BICD1: variants seen among roughly 807,000 people sequenced by gnomAD.
BICD1 encodes BICD cargo adaptor 1.
BICD1 carries 35 observed loss-of-function variants against 92.5 expected under a neutral mutation model. The observed-to-expected ratio is 0.38, with a 90% CI of 0.29 to 0.50. The LOEUF (loss-of-function observed/expected upper bound fraction) is 0.50. BICD1 is among the 20% of genes least tolerant of loss of function. BICD1 has a pLI of 0.93. For synonymous variants in BICD1, 429 were observed against 465.1 expected, an observed-to-expected ratio of 0.92 and a Z score of 1.00; for missense variants, 950 against 1,189.8, an observed-to-expected ratio of 0.80 and a Z score of 2.97.
intron 1 of BICD1, among the ~76,000 whole-genome samples, chr12:32,110,776 G>T (rs1293405754): frequency 7.0e-6 from 1 of 143,210 alleles, no homozygotes; most frequent in East Asian, 2.1e-4. Flanking sequence ...TCATAGATGG[G>T]AATTGAACAA....
At chr12:32,164,789 T>C (rs61926906) in intron 1 of BICD1, among the ~76,000 whole-genome samples, 14 of 152,062 alleles carry the variant, frequency 9.2e-5, no homozygotes, top group Non-Finnish European at 1.8e-4. Flanking sequence ...CCACTAACAC[T>C]CTAGGAAGCA....
chr12:32,230,401 A>T (rs952625237), intron 2 of BICD1, among the ~76,000 whole-genome samples: 1 of 58,748 alleles, frequency 1.7e-5, no homozygotes, highest in Non-Finnish European at 3.7e-5. Flanking sequence ...CCCTGTCTCA[A>T]ATAAATAAAT....
intron 2 of BICD1, among the ~76,000 whole-genome samples, chr12:32,265,389 C>G (rs1476655214): frequency 6.6e-6 from 1 of 152,000 alleles, no homozygotes; most frequent in African/African-American, 2.4e-5. Flanking sequence ...CTAAGACTTT[C>G]ACATCAATTC....
At chr12:32,241,778 A>T (rs750638895) in intron 2 of BICD1, among the ~76,000 whole-genome samples, 1 of 152,180 alleles carries the variant, frequency 6.6e-6, no homozygotes. Flanking sequence ...ATCACAGACT[A>T]AAAACAGTCT....
chr12:32,148,070 A>AGGTTGAG (rs1943167734), intron 1 of BICD1, among the ~76,000 whole-genome samples: 1 of 143,576 alleles, frequency 7.0e-6, no homozygotes, highest in African/African-American at 2.6e-5. Flanking sequence ...TGAGTCTGGG[A>AGGTTGAG]GGTTGAGGCT....
chr12:32,378,771 GATAATA>G lies in BICD1; in HGVS notation c.*1146_*1151del, dbSNP rs1202993678. 6.6e-6 allele frequency: 1 copy of G among 152,062 alleles called. No homozygotes were observed. The highest frequency in any genetic ancestry group is 2.4e-5 in the African/African-American group (1 of 41,390). 9.4% of individuals were successfully genotyped at this position (152,062 alleles called of 1,614,324 possible). A position where few individuals can be genotyped will look rare whatever the true frequency, so the allele number is the denominator to read the frequency against. The stretch of plus-strand genomic sequence containing the variant: ...AATCTTCCTTGCCAAAAAAACAATA[GATAATA>G]AACCTTAGCTCATTGTCTACTTTTG... On this transcript the variant is annotated 3_prime_UTR_variant, in exon 10 of 10. Coordinates refer to ENST00000652176, the MANE Select transcript of BICD1 (RefSeq NM_001714.4).
At chr12:32,168,904 T>G (rs746841360) in intron 1 of BICD1, among the ~76,000 whole-genome samples, 12 of 151,938 alleles carry the variant, frequency 7.9e-5, no homozygotes, top group Non-Finnish European at 1.6e-4. Flanking sequence ...GGAGGTTGCA[T>G]TGAGCCGAGA....
At chr12:32,167,492 G>C (rs1261028060) in intron 1 of BICD1, among the ~76,000 whole-genome samples, 1 of 151,948 alleles carries the variant, frequency 6.6e-6, no homozygotes, top group Non-Finnish European at 1.5e-5. Flanking sequence ...GTCTTGCACT[G>C]TCGCCCAGGC....
At chr12:32,271,446 A>G (rs1327203041) in intron 2 of BICD1, among the ~76,000 whole-genome samples, 2 of 152,198 alleles carry the variant, frequency 1.3e-5, no homozygotes, top group African/African-American at 4.8e-5. Flanking sequence ...ACCTTTTGTT[A>G]TAGATTAACT....
intron 5 of BICD1, chr12:32,332,371 C>T: frequency 1.0e-5 from 9 of 895,272 alleles, no homozygotes; most frequent in Non-Finnish European, 1.2e-5. Context: ...AGCTGTACCC[C>T]TGAACTTAAA....
chr12:32,252,078 A>G, intron 2 of BICD1, among the ~76,000 whole-genome samples: 1 of 51,866 alleles, frequency 1.9e-5, no homozygotes, highest in East Asian at 4.0e-4. Flanking sequence ...TTTATAATAT[A>G]TATTTATAAA....
At chr12:32,286,521 C>G (rs79021084) in intron 2 of BICD1, among the ~76,000 whole-genome samples, 7,841 of 152,206 alleles carry the variant, frequency 0.052, 296 homozygotes, top group Middle Eastern at 0.11. Flanking sequence ...TACTATTTTT[C>G]ATTCTACAAT....
chr12:32,215,827 A>G (rs1035190247), intron 1 of BICD1, among the ~76,000 whole-genome samples: 7 of 151,504 alleles, frequency 4.6e-5, no homozygotes, highest in African/African-American at 9.7e-5. Context: ...GTTGGTGGGC[A>G]CCTGTAGTCC....
intron 2 of BICD1, among the ~76,000 whole-genome samples, chr12:32,292,915 A>C (rs1244819143): frequency 6.6e-6 from 1 of 152,236 alleles, no homozygotes; most frequent in Non-Finnish European, 1.5e-5. Context: ...AACATAGCTT[A>C]TACTTGCCAT....
chr12:32,333,422 C>T (rs1441791451), intron 5 of BICD1, among the ~76,000 whole-genome samples: 3 of 152,196 alleles, frequency 2.0e-5, no homozygotes, highest in Non-Finnish European at 4.4e-5. Context: ...CCTATCCCAA[C>T]ATTGATTTAA....
intron 2 of BICD1, among the ~76,000 whole-genome samples, chr12:32,223,650 A>G (rs1417290936): frequency 6.6e-6 from 1 of 152,256 alleles, no homozygotes; most frequent in South Asian, 2.1e-4. Context: ...TCATGTGTCA[A>G]TGGAGTAGCA....
chr12:32,277,601 G>A (rs940474124), intron 2 of BICD1, among the ~76,000 whole-genome samples: 1 of 152,162 alleles, frequency 6.6e-6, no homozygotes, highest in Non-Finnish European at 1.5e-5. Context: ...AATCCGTCCA[G>A]GTACCCTGTT....
intron 1 of BICD1, among the ~76,000 whole-genome samples, chr12:32,116,462 G>GTCTGTC (rs1941899925): frequency 2.2e-5 from 2 of 91,662 alleles, no homozygotes; most frequent in African/African-American, 9.7e-5. Flanking sequence ...CTGTCTGTCT[G>GTCTGTC]TCTCTCTCTC....
chr12:32,130,209 T>A (rs935836111), intron 1 of BICD1, among the ~76,000 whole-genome samples: 14 of 74,306 alleles, frequency 1.9e-4, no homozygotes, highest in Admixed American at 4.1e-4. Flanking sequence ...AGTGACAAAA[T>A]TTTTTTTTTT....
Sources: allele counts gnomAD v4.1 joint callset (sites outside exome capture counted in the v4.1 genomes callset), GRCh38; gene constraint gnomAD v4.1.1; transcripts MANE v1.5; gene names NCBI Gene and HGNC (gene_info 2026-07-23, HGNC 2026-07-21).